The following PHLDB2 variants were observed in gnomAD, a reference collection of about 807,000 sequenced individuals.
PHLDB2 encodes the protein pleckstrin homology-like domain family B member 2.
In PHLDB2, 71 loss-of-function variants were observed where a neutral mutation model predicts 123.6. The observed-to-expected ratio is 0.57, with a 90% CI of 0.47 to 0.70. The LOEUF (loss-of-function observed/expected upper bound fraction) is 0.70. Ranked by LOEUF, PHLDB2 falls within the 30% of genes least tolerant of loss-of-function variation. The pLI, the probability that PHLDB2 is intolerant of heterozygous loss-of-function variation, is 0.00. For missense variants in PHLDB2, 1,446 were observed against 1,519.5 expected, an observed-to-expected ratio of 0.95 and a Z score of 0.80; for synonymous variants, 547 against 541.6, an observed-to-expected ratio of 1.01 and a Z score of -0.14.
At chr3:111,857,967 G>A (rs1055451571), upstream of PHLDB2, among the ~76,000 whole-genome samples, 2 of 152,190 alleles carry the variant, frequency 1.3e-5, no homozygotes, top group Non-Finnish European at 2.9e-5. Flanking sequence ...TATACCCAAA[G>A]AATTATAAAT....
At chr3:111,776,387 A>G (rs778305829) in intron 1 of PHLDB2, among the ~76,000 whole-genome samples, 2 of 152,086 alleles carry the variant, frequency 1.3e-5, no homozygotes, top group Non-Finnish European at 2.9e-5. Flanking sequence ...TATTAATGTA[A>G]CCTATTTTCA....
intron 14 of PHLDB2, 42 bp downstream of exon 14, chr3:111,966,745 G>T (rs1217256653): frequency 6.5e-7 from 1 of 1,534,192 alleles, no homozygotes; most frequent in East Asian, 2.3e-5. Context: ...TGATACCGTG[G>T]TGCAGGAGCC....
chr3:111,869,183 A>G (rs1443924238), intron 1 of PHLDB2, among the ~76,000 whole-genome samples: 1 of 151,956 alleles, frequency 6.6e-6, no homozygotes, highest in Admixed American at 6.6e-5. Flanking sequence ...TCTTTGACAG[A>G]GCTCAGACTT....
intron 11 of PHLDB2, 31 bp from the exon 12 acceptor site, chr3:111,953,899 T>C: frequency 1.3e-6 from 2 of 1,569,038 alleles, no homozygotes; most frequent in South Asian, 1.1e-5. Flanking sequence ...GCCTGCAGCT[T>C]GCCTGAAGTA....
At chr3:111,911,712 C>T (rs1020821792) in intron 2 of PHLDB2, 1 of 1,535,998 alleles carries the variant, frequency 6.5e-7, no homozygotes, top group African/African-American at 1.4e-5. Context: ...GAAGTTCAGG[C>T]AGTGAAAGGG....
intron 13 of PHLDB2, 71 bp from the exon 14 acceptor site, chr3:111,966,542 G>A: frequency 3.4e-6 from 3 of 891,354 alleles, no homozygotes; most frequent in Admixed American, 2.0e-5. Context: ...GTGTGTGTGT[G>A]TGTGTGTATG....
intron 1 of PHLDB2, among the ~76,000 whole-genome samples, chr3:111,816,819 C>T (rs1465660264): frequency 6.6e-6 from 1 of 152,102 alleles, no homozygotes; most frequent in African/African-American, 2.4e-5. Flanking sequence ...TGTGTCCCCA[C>T]CAAAATCTCA....
chr3:111,885,049 T>C lies in PHLDB2; in HGVS notation c.972T>C (p.Tyr324=), dbSNP rs1284908123. Residue 324 remains tyrosine (Y), a synonymous_variant, in exon 2 of 18, where the codon TAT becomes TAC. Transcript: ENST00000431670. The stretch of plus-strand genomic sequence containing the variant: ...CCTCTGCTTCTGAAGGCAATCCTTA[T>C]GTAAGTTCTACCCTCAGTGTCCCTG... ...YKTSASEGNP[Y]VSSTLSVPAS... is the part of the protein sequence containing the mutation. The C allele has an allele frequency of 3.1e-6, 5 of 1,614,202 alleles. No individual in the cohort carries two copies. Among genetic ancestry groups the C allele is most frequent in the Non-Finnish European group, 4.2e-6 (5 of 1,180,026 alleles).
At chr3:111,852,807 C>T (rs2064320465) in intron 2 of PHLDB2, among the ~76,000 whole-genome samples, 1 of 151,958 alleles carries the variant, frequency 6.6e-6, no homozygotes, top group African/African-American at 2.4e-5. Context: ...CCTTTTCCTG[C>T]CTGATTACAA....
intron 1 of PHLDB2, among the ~76,000 whole-genome samples, chr3:111,827,769 C>G (rs955450757): frequency 6.6e-6 from 1 of 151,184 alleles, no homozygotes; most frequent in African/African-American, 2.4e-5. Context: ...AAGCTTCATG[C>G]TCACCCACTT....
chr3:111,952,333 C>A (rs1257325405), intron 10 of PHLDB2, among the ~76,000 whole-genome samples: 1 of 152,146 alleles, frequency 6.6e-6, no homozygotes, highest in African/African-American at 2.4e-5. Context: ...GCAGGCACTA[C>A]AGAAGTGAAA....
intron 1 of PHLDB2, chr3:111,778,418 C>T: frequency 6.6e-6 from 1 of 152,052 alleles, no homozygotes; most frequent in African/African-American, 2.4e-5. Flanking sequence ...GACTTCTAGC[C>T]TCCAAAACTG....
chr3:111,866,248 C>A (rs2065075884), intron 1 of PHLDB2, among the ~76,000 whole-genome samples: 1 of 151,920 alleles, frequency 6.6e-6, no homozygotes, highest in South Asian at 2.1e-4. Context: ...AGACTCCTGA[C>A]CTTTGGTGAT....
intron 1 of PHLDB2, among the ~76,000 whole-genome samples, chr3:111,737,715 A>C (rs2059534229): frequency 3.9e-5 from 6 of 151,962 alleles, no homozygotes; most frequent in Admixed American, 3.9e-4. Context: ...CCAAAATAAT[A>C]TCAAAAATAC....
At position 111,780,391 on chromosome 3, in the gene PHLDB2, GAAGAAGAAGAAGAAGAAGAAA is replaced by G. The variant is rs1559827409; in HGVS notation, c.-49+47693_-49+47713del. 3.4e-4 allele frequency among the ~76,000 whole-genome samples: 17 copies of G among 49,922 alleles called. 1 individual carries two copies. The highest frequency in any genetic ancestry group is 6.5e-4 in the African/African-American group (15 of 23,154). The allele number at this position is 49,922 out of a possible 152,430, so 32.8% of individuals were successfully genotyped here. ...AGAAGAAGAAGAAGAAGAAGAAGAA[GAAGAAGAAGAAGAAGAAGAAA>G]AAGATTAGTTCGGCCCAACTTTCTG... On this transcript the variant is annotated intron_variant, in intron 1 of 17. Coordinates refer to the PHLDB2 transcript ENST00000393923.
chr3:111,932,500 G>T (rs1233794884), intron 6 of PHLDB2, 103 bp downstream of exon 6: 2 of 1,234,480 alleles, frequency 1.6e-6, no homozygotes, highest in African/African-American at 3.0e-5. Flanking sequence ...GCATAAGTTT[G>T]CATAAGTTCT....
rs1046249545 is a variant in PHLDB2, at chr3:111,939,734, A to G, written c.2286+104A>G. The G allele has an allele frequency of 3.3e-6, 4 of 1,198,940 alleles. No homozygotes were observed. In the African/African-American group the frequency reaches 4.6e-5, roughly 14 times the overall value. 74.3% of individuals were successfully genotyped at this position (1,198,940 alleles called of 1,614,324 possible). A position where few individuals can be genotyped will look rare whatever the true frequency, so the allele number is the denominator to read the frequency against. On this transcript the variant is annotated intron_variant, in intron 7 of 17. Transcript: ENST00000431670. ...GAATATCACATTTGACAGATTACGTAGTCTGCCATGTATGTGGCAAATGGT... is the reference window on the plus strand; with the variant it reads ...GAATATCACATTTGACAGATTACGTGGTCTGCCATGTATGTGGCAAATGGT...
At chr3:111,927,453 G>A (rs566315720) in intron 5 of PHLDB2, among the ~76,000 whole-genome samples, 6 of 152,248 alleles carry the variant, frequency 3.9e-5, no homozygotes, top group African/African-American at 1.4e-4. Context: ...AAACCTGACC[G>A]CATATCTAAT....
intron 1 of PHLDB2, among the ~76,000 whole-genome samples, chr3:111,827,632 G>A (rs2062726082): frequency 7.2e-6 from 1 of 139,190 alleles, no homozygotes; most frequent in Non-Finnish European, 1.5e-5. Context: ...CGAGATTGGA[G>A]ATTGTGCCAT....
Sources: gnomAD v4.1 joint callset for allele counts (sites outside exome capture counted in the v4.1 genomes callset) on GRCh38, gnomAD v4.1.1 for gene constraint, MANE v1.5 for transcripts, NCBI Gene and HGNC (gene_info 2026-07-23, HGNC 2026-07-21) for gene names.